The following CNTN5 variants were observed in gnomAD, a reference collection of about 807,000 sequenced individuals.
CNTN5 encodes the protein contactin-5.
CNTN5 carries 77 observed loss-of-function variants against 129.1 expected under a neutral mutation model. The ratio of observed to expected loss-of-function variants is 0.60; its 90% CI spans 0.50 to 0.72. CNTN5 has a LOEUF of 0.72. Ranked by LOEUF, CNTN5 falls within the 30% of genes least tolerant of loss-of-function variation. CNTN5 has a pLI of 0.00. For synonymous variants in CNTN5, 509 were observed against 465.6 expected, an observed-to-expected ratio of 1.09 and a Z score of -1.20; for missense variants, 1,478 against 1,328.8, an observed-to-expected ratio of 1.11 and a Z score of -1.75.
At chr11:99,767,952 A>C (rs780773103) in intron 3 of CNTN5, among the ~76,000 whole-genome samples, 1 of 152,140 alleles carries the variant, frequency 6.6e-6, no homozygotes, top group Non-Finnish European at 1.5e-5. Context: ...GGGATCTTCA[A>C]ACTAGAGTTT....
chr11:99,268,404 G>A (rs913453372), intron 1 of CNTN5, among the ~76,000 whole-genome samples: 1 of 151,282 alleles, frequency 6.6e-6, no homozygotes, highest in Non-Finnish European at 1.5e-5. Context: ...AAAATTATGA[G>A]TAAATTAGTA....
intron 4 of CNTN5, among the ~76,000 whole-genome samples, chr11:99,834,830 T>A (rs976248110): frequency 2.3e-4 from 35 of 152,304 alleles, no homozygotes; most frequent in Admixed American, 6.5e-4. Context: ...TATGATTTTA[T>A]AATTTACAAG....
intron 3 of CNTN5, among the ~76,000 whole-genome samples, chr11:99,785,643 C>T (rs941124966): frequency 2.6e-5 from 4 of 151,986 alleles, no homozygotes; most frequent in African/African-American, 9.7e-5. Context: ...AAAGCTTATC[C>T]ACCACCACCT....
chr11:99,482,029 A>G (rs866013013), intron 2 of CNTN5, among the ~76,000 whole-genome samples: 1 of 152,218 alleles, frequency 6.6e-6, no homozygotes, highest in Non-Finnish European at 1.5e-5. Context: ...CATCCCTAAC[A>G]TAATATTTTG....
intron 2 of CNTN5, among the ~76,000 whole-genome samples, chr11:99,393,519 T>C (rs1341016782): frequency 1.3e-5 from 2 of 151,818 alleles, no homozygotes; most frequent in Admixed American, 1.3e-4. Context: ...CTAAGTAAGT[T>C]AGTCAAAGTC....
At chr11:99,453,138 C>A (rs1591084051) in intron 2 of CNTN5, among the ~76,000 whole-genome samples, 1 of 152,208 alleles carries the variant, frequency 6.6e-6, no homozygotes, top group Middle Eastern at 3.4e-3. Flanking sequence ...CTAAAAAGTA[C>A]TCTAGATATA....
Position 99,903,487 on chromosome 11 carries a change from A to G in CNTN5, c.578-12567A>G, listed in dbSNP as rs1468094794. 3.9e-5 allele frequency among the ~76,000 whole-genome samples: 6 copies of G among 152,218 alleles called. No individual in the cohort carries two copies. The South Asian group carries it at 8.3e-4, about 21-fold the overall frequency. ...TTGAAAAGCATAATGTTATACTCAC[A>G]GTCAAACTGTCTTAAAAATCTACTC... On this transcript the variant is annotated intron_variant, in intron 6 of 24. Coordinates refer to ENST00000524871, the MANE Select transcript of CNTN5 (RefSeq NM_014361.4).
At chr11:100,025,403 T>C (rs1203163480) in intron 9 of CNTN5, among the ~76,000 whole-genome samples, 3 of 152,212 alleles carry the variant, frequency 2.0e-5, no homozygotes, top group Non-Finnish European at 4.4e-5. Flanking sequence ...GGAGAACCTA[T>C]GCTGGTGCAG....
chr11:99,848,541 A>G (rs1447090138), intron 6 of CNTN5, among the ~76,000 whole-genome samples: 6 of 152,150 alleles, frequency 3.9e-5, no homozygotes, highest in Non-Finnish European at 8.8e-5. Flanking sequence ...AATATTGAAT[A>G]TGAGTCTTAA....
At chr11:99,968,974 T>C (rs1247535974) in intron 8 of CNTN5, among the ~76,000 whole-genome samples, 1 of 152,076 alleles carries the variant, frequency 6.6e-6, no homozygotes, top group Non-Finnish European at 1.5e-5. Flanking sequence ...ATAATCTTGA[T>C]ATAAAAATTT....
At chr11:99,478,360 C>A (rs1197262059) in intron 2 of CNTN5, among the ~76,000 whole-genome samples, 1 of 152,224 alleles carries the variant, frequency 6.6e-6, no homozygotes, top group Non-Finnish European at 1.5e-5. Context: ...AGTTTCTTGC[C>A]ATGTGGATCT....
chr11:100,299,124 T>G, intron 19 of CNTN5, 38 bp from the exon 20 acceptor site: 1 of 1,315,964 alleles, frequency 7.6e-7, no homozygotes, highest in Non-Finnish European at 1.0e-6. Context: ...TTTTAATCAA[T>G]CATTTTGCTG....
Position 99,598,009 on chromosome 11 carries a change from T to C in CNTN5, c.55+41740T>C, listed in dbSNP as rs568535778. Among the ~76,000 whole-genome samples, 9 of 152,252 alleles carry C rather than the reference T, an allele frequency of 5.9e-5. No homozygotes were observed. In the South Asian group the frequency reaches 1.9e-3, roughly 31 times the overall value. ...CCTTCCTTCTTGTAATACCACTCTG[T>C]CATCTCTTTTTGGCATTTACCACAA... On this transcript the variant is annotated intron_variant, in intron 3 of 24. Transcript: ENST00000524871.
At chr11:99,629,397 T>A (rs1329831949) in intron 3 of CNTN5, among the ~76,000 whole-genome samples, 1 of 152,010 alleles carries the variant, frequency 6.6e-6, no homozygotes, top group East Asian at 1.9e-4. Context: ...AACCATTGTT[T>A]GAGGTCTTTA....
chr11:99,975,159 G>A (rs1004227189), intron 8 of CNTN5, among the ~76,000 whole-genome samples: 9 of 152,232 alleles, frequency 5.9e-5, no homozygotes, highest in African/African-American at 2.2e-4. Context: ...TAGAGGCAAA[G>A]GAGGAAAAGT....
At chr11:99,934,898 G>GTGTGTGTGTGTGTA (rs1565693917) in intron 7 of CNTN5, among the ~76,000 whole-genome samples, 1 of 67,950 alleles carries the variant, frequency 1.5e-5, no homozygotes, top group Non-Finnish European at 2.5e-5. Context: ...GTGTGTGTGT[G>GTGTGTGTGTGTGTA]TATATATATA....
chr11:100,334,394 T>G (rs1404298613), intron 21 of CNTN5, among the ~76,000 whole-genome samples: 1 of 152,134 alleles, frequency 6.6e-6, no homozygotes, highest in African/African-American at 2.4e-5. Context: ...GGACTAAAAG[T>G]AGATCTACCA....
At chr11:99,763,283 C>G (rs1006256393) in intron 3 of CNTN5, among the ~76,000 whole-genome samples, 1 of 152,036 alleles carries the variant, frequency 6.6e-6, no homozygotes, top group Admixed American at 6.6e-5. Context: ...GTAGTCCATC[C>G]TTTACCATAC....
chr11:99,542,512 T>A (rs1218567099), intron 2 of CNTN5, among the ~76,000 whole-genome samples: 1 of 151,720 alleles, frequency 6.6e-6, no homozygotes, highest in Admixed American at 6.6e-5. Context: ...TAATTGTGGG[T>A]TTTGCCATTA....
Sources: gnomAD v4.1 joint callset for allele counts (sites outside exome capture counted in the v4.1 genomes callset) on GRCh38, gnomAD v4.1.1 for gene constraint, MANE v1.5 for transcripts, NCBI Gene and HGNC (gene_info 2026-07-23, HGNC 2026-07-21) for gene names.